PPP6R3: variants seen among roughly 807,000 people sequenced by gnomAD.
PPP6R3 encodes the protein serine/threonine-protein phosphatase 6 regulatory subunit 3.
A neutral mutation model predicts 110.7 loss-of-function variants in PPP6R3; 38 were observed. The observed-to-expected ratio is 0.34, with a 90% CI of 0.26 to 0.45. The LOEUF (loss-of-function observed/expected upper bound fraction) is 0.45. Ranked by LOEUF, PPP6R3 falls within the 20% of genes least tolerant of loss-of-function variation. The pLI, the probability that PPP6R3 is intolerant of heterozygous loss-of-function variation, is 1.00. For missense variants in PPP6R3, 870 were observed against 1,062.4 expected (o/e 0.82, Z 2.52); for synonymous variants, 369 against 373.5 (o/e 0.99, Z 0.14).
chr11:68,594,359 A>T (rs991014315), intron 18 of PPP6R3, among the ~76,000 whole-genome samples: 4 of 150,090 alleles, frequency 2.7e-5, no homozygotes, highest in East Asian at 1.9e-4. Context: ...AGAGAGAGAG[A>T]GAGTGAGTTA....
chr11:68,543,175 A>G (rs1452315572), intron 3 of PPP6R3, among the ~76,000 whole-genome samples: 1 of 152,222 alleles, frequency 6.6e-6, no homozygotes, highest in African/African-American at 2.4e-5. Flanking sequence ...ACTGAGGCCC[A>G]GAGAGGTTAA....
intron 1 of PPP6R3, among the ~76,000 whole-genome samples, chr11:68,469,708 A>G (rs1565218030): frequency 6.6e-6 from 1 of 152,014 alleles, no homozygotes; most frequent in Non-Finnish European, 1.5e-5. Context: ...TTAACTTGTA[A>G]TTGGACTATG....
chr11:68,593,216 GT>G (rs11291024), intron 18 of PPP6R3, among the ~76,000 whole-genome samples: 152,258 of 152,258 alleles, frequency 1, 76,129 homozygotes, highest in Non-Finnish European at 1. Context: ...ACAACCGTCT[GT>G]TTTTTTGTTC....
At chr11:68,511,632 C>T (rs961555090) in intron 1 of PPP6R3, among the ~76,000 whole-genome samples, 7 of 151,620 alleles carry the variant, frequency 4.6e-5, no homozygotes, top group Non-Finnish European at 1.0e-4. Context: ...AGGTGTGTGC[C>T]ACCACACCTG....
chr11:68,579,986 C>T (rs531434600), intron 14 of PPP6R3, among the ~76,000 whole-genome samples: 54 of 152,266 alleles, frequency 3.5e-4, no homozygotes, highest in Admixed American at 3.0e-3. Flanking sequence ...CATGACTGCG[C>T]GTGTTTCAGA....
At chr11:68,491,328 C>CTGTGTGTGTGTGTGTG (rs60972668) in intron 1 of PPP6R3, among the ~76,000 whole-genome samples, 15 of 123,564 alleles carry the variant, frequency 1.2e-4, no homozygotes, top group South Asian at 6.4e-4. Flanking sequence ...GTGTCTTCAG[C>CTGTGTGTGTGTGTGTG]TGTGTGTGTG....
intron 22 of PPP6R3, 200 bp from the exon 23 acceptor site, chr11:68,609,702 CTG>C (rs1235786526): frequency 1.3e-6 from 2 of 1,573,204 alleles, no homozygotes; most frequent in African/African-American, 2.7e-5. Context: ...TGGTTCCCAC[CTG>C]TGTGCGACCC....
Position 68,544,881 on chromosome 11 carries a change from C to T in PPP6R3, c.271C>T (p.Gln91Ter). The T allele has an allele frequency of 6.2e-7, 1 of 1,608,210 alleles. No homozygotes were observed. The highest frequency in any genetic ancestry group is 8.5e-7 in the Non-Finnish European group (1 of 1,174,748). The change falls in exon 4 of 24, where the codon CAG becomes TAG. Residue 91 changes from glutamine to a stop codon, truncating the protein, a stop_gained. Transcript: ENST00000393800. LOFTEE classifies it high-confidence loss of function. ...TGAGTTGCTCACTTCTGATGTCTCCCAGATGAATGATAGACTGGGAGAAGA... is the reference window on the plus strand; with the variant it reads ...TGAGTTGCTCACTTCTGATGTCTCCTAGATGAATGATAGACTGGGAGAAGA... ...SCELLTSDVS[Q>*]MNDRLGEDES... is the part of the protein sequence containing the mutation.
At chr11:68,523,890 G>A (rs1262080108) in intron 2 of PPP6R3, among the ~76,000 whole-genome samples, 1 of 151,728 alleles carries the variant, frequency 6.6e-6, no homozygotes, top group Non-Finnish European at 1.5e-5. Context: ...CCTTTATTTT[G>A]TTGTGTTACT....
At chr11:68,476,337 C>G (rs1025744515) in intron 1 of PPP6R3, among the ~76,000 whole-genome samples, 9 of 152,212 alleles carry the variant, frequency 5.9e-5, no homozygotes, top group African/African-American at 1.7e-4. Context: ...GCGGCGCACG[C>G]CTGCAATCGC....
chr11:68,595,742 T>C (rs1302633173), intron 18 of PPP6R3, among the ~76,000 whole-genome samples: 1 of 152,200 alleles, frequency 6.6e-6, no homozygotes, highest in Non-Finnish European at 1.5e-5. Context: ...AGTTAAGATA[T>C]AAGATGGCAA....
At chr11:68,565,963 A>G (rs902654848) in intron 9 of PPP6R3, among the ~76,000 whole-genome samples, 1 of 152,008 alleles carries the variant, frequency 6.6e-6, no homozygotes, top group Non-Finnish European at 1.5e-5. Context: ...ACTGATGTGG[A>G]TGGGGAGGGG....
intron 3 of PPP6R3, among the ~76,000 whole-genome samples, chr11:68,542,728 A>AGG (rs2099326672): frequency 6.6e-6 from 1 of 152,168 alleles, no homozygotes; most frequent in South Asian, 2.1e-4. Context: ...GAGGGAGGGA[A>AGG]GGAGAGTAGC....
intron 1 of PPP6R3, among the ~76,000 whole-genome samples, chr11:68,461,103 T>C (rs1423111735): frequency 6.6e-6 from 1 of 150,892 alleles, no homozygotes; most frequent in East Asian, 2.0e-4. Context: ...TTGTGCCTCG[T>C]TGACGTTCGC....
chr11:68,583,441 A>G (rs1458553451), intron 15 of PPP6R3, among the ~76,000 whole-genome samples: 1 of 152,228 alleles, frequency 6.6e-6, no homozygotes, highest in African/African-American at 2.4e-5. Flanking sequence ...ACAATAGTTG[A>G]GTTGTTGCTT....
chr11:68,573,119 TATATATA>T (rs2099514988), intron 12 of PPP6R3, among the ~76,000 whole-genome samples: 4 of 32,840 alleles, frequency 1.2e-4, no homozygotes, highest in Non-Finnish European at 1.4e-4. Flanking sequence ...TTATTTTATA[TATATATA>T]TATATATATA....
intron 14 of PPP6R3, among the ~76,000 whole-genome samples, chr11:68,582,609 T>C (rs1207317379): frequency 1.3e-5 from 2 of 152,226 alleles, no homozygotes; most frequent in Non-Finnish European, 2.9e-5. Flanking sequence ...ACCTGACCTT[T>C]TGAGTGGCGC....
chr11:68,558,390 A>G lies in PPP6R3; in HGVS notation c.732-176A>G, dbSNP rs1015198807. ...TGTTTGTGTGCGGGTGCATGTGTGT[A>G]ATTTATAAATAGGATCAATTGCCTA... On this transcript the variant is annotated intron_variant, in intron 7 of 23. Transcript: ENST00000393800. 13 of 442,970 alleles carry G rather than the reference A, an allele frequency of 2.9e-5. No homozygotes were observed. In the Admixed American group the frequency reaches 4.3e-4, roughly 15 times the overall value. The allele number at this position is 442,970 out of a possible 1,614,324, so 27.4% of individuals were successfully genotyped here.
At chr11:68,607,375 C>T (rs1043980160) in intron 22 of PPP6R3, among the ~76,000 whole-genome samples, 3 of 152,144 alleles carry the variant, frequency 2.0e-5, no homozygotes, top group Admixed American at 6.5e-5. Flanking sequence ...GGCTGGTTCA[C>T]CAAAAGGAAA....
Sources: gnomAD v4.1 joint callset for allele counts (sites outside exome capture counted in the v4.1 genomes callset) on GRCh38, gnomAD v4.1.1 for gene constraint, MANE v1.5 for transcripts, NCBI Gene and HGNC (gene_info 2026-07-23, HGNC 2026-07-21) for gene names.